The following SPEF2 variants were observed in gnomAD, a reference collection of about 807,000 sequenced individuals.
The protein encoded by SPEF2 is sperm flagella and cilia-associated protein 2.
A neutral mutation model predicts 224.6 loss-of-function variants in SPEF2; 187 were observed. The ratio of observed to expected loss-of-function variants is 0.83; its 90% CI spans 0.74 to 0.94. The LOEUF is 0.94. SPEF2 is among the 40% of genes least tolerant of loss of function. The pLI is 0.00. For missense variants in SPEF2, 2,170 were observed against 2,135.6 expected (o/e 1.02, Z -0.32); for synonymous variants, 715 against 707.3 (o/e 1.01, Z -0.17).
Position 35,715,816 on chromosome 5 carries a change from C to CTT in SPEF2, c.2914+2946_2914+2947dup, listed in dbSNP as rs1554040257. ...TCTGTGAAATAGGGGGATATAATTTCTTTTTTTTTTTTTTTTTGAGACAGA... is the reference window on the plus strand; with the variant it reads ...TCTGTGAAATAGGGGGATATAATTTCTTTTTTTTTTTTTTTTTTTGAGACAGA... On this transcript the variant is annotated intron_variant, in intron 20 of 36. Coordinates refer to ENST00000356031, the MANE Select transcript of SPEF2 (RefSeq NM_024867.4). Among the ~76,000 whole-genome samples the CTT allele has an allele frequency of 3.1e-3, 364 of 117,934 alleles. 4 individuals carry two copies. Among genetic ancestry groups the CTT allele is most frequent in the African/African-American group, 0.011 (357 of 31,404 alleles). 77.4% of individuals were successfully genotyped at this position (117,934 alleles called of 152,430 possible). A position where few individuals can be genotyped will look rare whatever the true frequency, so the allele number is the denominator to read the frequency against.
At chr5:35,670,397 T>G in intron 10 of SPEF2, 170 bp downstream of exon 10, 1 of 1,350,016 alleles carries the variant, frequency 7.4e-7, no homozygotes, top group Non-Finnish European at 9.5e-7. Flanking sequence ...ATGCTTAAAC[T>G]ATACATAAGC....
chr5:35,729,955 C>T (rs529654496), intron 21 of SPEF2, among the ~76,000 whole-genome samples: 2 of 152,304 alleles, frequency 1.3e-5, no homozygotes, highest in East Asian at 3.9e-4. Flanking sequence ...TCCAATTAAA[C>T]CTTTTTCTTC....
chr5:35,725,880 T>G (rs913585503), intron 20 of SPEF2, among the ~76,000 whole-genome samples: 16 of 152,192 alleles, frequency 1.1e-4, no homozygotes, highest in Admixed American at 9.2e-4. Flanking sequence ...AATATGTACC[T>G]TCACCATATG....
At chr5:35,640,716 A>G (rs1385600800) in intron 2 of SPEF2, among the ~76,000 whole-genome samples, 1 of 152,208 alleles carries the variant, frequency 6.6e-6, no homozygotes, top group Non-Finnish European at 1.5e-5. Flanking sequence ...CGCATAATAC[A>G]CTAAATATAT....
chr5:35,647,064 T>G (rs75080756), intron 5 of SPEF2, among the ~76,000 whole-genome samples: 14,611 of 152,268 alleles, frequency 0.096, 821 homozygotes, highest in East Asian at 0.18. Context: ...ACTCCTGTGT[T>G]GAAAAAGATT....
At chr5:35,664,327 G>C (rs1190554238) in intron 8 of SPEF2, among the ~76,000 whole-genome samples, 1 of 149,594 alleles carries the variant, frequency 6.7e-6, no homozygotes, top group African/African-American at 2.5e-5. Flanking sequence ...AAAAAGAAAA[G>C]AAAGGGAAAA....
chr5:35,669,852 C>G (rs1283743704), intron 9 of SPEF2, among the ~76,000 whole-genome samples: 1 of 151,946 alleles, frequency 6.6e-6, no homozygotes, highest in African/African-American at 2.4e-5. Flanking sequence ...AGTAGGTTTA[C>G]ATTTTGTAAA....
chr5:35,702,129 T>C (rs920671936), intron 16 of SPEF2: 1 of 454,980 alleles, frequency 2.2e-6, no homozygotes, highest in Admixed American at 2.4e-5. Flanking sequence ...TCAAGGCAAA[T>C]GTGTCATCCA....
chr5:35,692,153 G>A (rs1180020944), intron 11 of SPEF2, among the ~76,000 whole-genome samples: 1 of 151,960 alleles, frequency 6.6e-6, no homozygotes, highest in Non-Finnish European at 1.5e-5. Flanking sequence ...GCTCATGCTT[G>A]TAATCCCTGC....
intron 10 of SPEF2, among the ~76,000 whole-genome samples, chr5:35,680,750 A>C (rs771802951): frequency 9.9e-5 from 15 of 152,158 alleles, no homozygotes; most frequent in Non-Finnish European, 1.9e-4. Flanking sequence ...AAAGGTATTA[A>C]TGCAAAACGG....
At chr5:35,732,910 T>C (rs1745872644) in intron 21 of SPEF2, among the ~76,000 whole-genome samples, 1 of 152,210 alleles carries the variant, frequency 6.6e-6, no homozygotes, top group African/African-American at 2.4e-5. Flanking sequence ...ATTGTTCTAT[T>C]TTATTATTAG....
chr5:35,632,298 C>T (rs1405844104), intron 2 of SPEF2, among the ~76,000 whole-genome samples: 2 of 152,200 alleles, frequency 1.3e-5, no homozygotes, highest in Non-Finnish European at 1.5e-5. Flanking sequence ...AGGAAACTTA[C>T]AATCATGGCA....
At chr5:35,711,350 T>C (rs565953632) in intron 19 of SPEF2, among the ~76,000 whole-genome samples, 1 of 64,382 alleles carries the variant, frequency 1.6e-5, no homozygotes, top group Admixed American at 1.7e-4. Flanking sequence ...GTTAAAAATT[T>C]TGTGATTTTT....
intron 16 of SPEF2, among the ~76,000 whole-genome samples, chr5:35,703,509 T>G (rs1175386426): frequency 6.6e-6 from 1 of 151,890 alleles, no homozygotes; most frequent in African/African-American, 2.4e-5. Context: ...ATTGCAAAGA[T>G]GGAGCCATTC....
chr5:35,728,987 G>A (rs1210886058), intron 21 of SPEF2, among the ~76,000 whole-genome samples: 1 of 151,986 alleles, frequency 6.6e-6, no homozygotes. Context: ...GGAATGTGGG[G>A]CAAAAACACC....
intron 12 of SPEF2, among the ~76,000 whole-genome samples, chr5:35,693,992 A>G (rs1754910546): frequency 6.6e-6 from 1 of 152,176 alleles, no homozygotes; most frequent in African/African-American, 2.4e-5. Flanking sequence ...CTCAGGTTCC[A>G]CTATCTTTTC....
intron 21 of SPEF2, among the ~76,000 whole-genome samples, chr5:35,737,994 C>T (rs1291246175): frequency 1.3e-5 from 2 of 152,074 alleles, no homozygotes; most frequent in African/African-American, 4.8e-5. Flanking sequence ...ATGTGTCTTT[C>T]GGCTGCATAA....
Position 35,670,236 on chromosome 5 carries a change from T to C in SPEF2, c.1524+9T>C. 1 of 1,582,848 alleles carries C rather than the reference T, an allele frequency of 6.3e-7. No homozygotes were observed. On this transcript the variant is annotated intron_variant, in intron 10 of 36. Transcript: ENST00000356031. ...ATTATGAAGAATATAAGGTACCTAC[T>C]GATATGAAATAATTAGAATGCTACA...
At position 35,694,377 on chromosome 5, in the gene SPEF2, A is replaced by G. The variant is rs1372314578; in HGVS notation, c.1975+14A>G. 4 of 1,595,650 alleles carry G rather than the reference A, an allele frequency of 2.5e-6. No homozygotes were observed. In the African/African-American group the frequency reaches 4.1e-5, roughly 16 times the overall value. Reference sequence around the variant, plus strand: ...AAACAATGCTTAGTAAGATCTCAAAACAAATCATCTATTATTTACATTAGA... The same window carrying G: ...AAACAATGCTTAGTAAGATCTCAAAGCAAATCATCTATTATTTACATTAGA... On this transcript the variant is annotated intron_variant, in intron 13 of 36. Transcript: ENST00000356031.
Sources: gnomAD v4.1 joint callset for allele counts (sites outside exome capture counted in the v4.1 genomes callset) on GRCh38, gnomAD v4.1.1 for gene constraint, MANE v1.5 for transcripts, NCBI Gene and HGNC (gene_info 2026-07-23, HGNC 2026-07-21) for gene names.